Variants in SPATA9 observed in about 807,000 individuals in gnomAD.
SPATA9 encodes the protein spermatogenesis associated 9.
In SPATA9, 27 loss-of-function variants were observed where a neutral mutation model predicts 25.5. The observed-to-expected ratio is 1.06, with a 90% CI of 0.78 to 1.46. The LOEUF (loss-of-function observed/expected upper bound fraction) is 1.46. Ranked by LOEUF, SPATA9 falls within the 40% of genes most tolerant of loss-of-function variation. The probability of loss-of-function intolerance (pLI) is 0.00; values close to 1 mark genes in which losing one functional copy is unlikely to be tolerated. For missense variants in SPATA9, 282 were observed against 297.5 expected, an observed-to-expected ratio of 0.95 and a Z score of 0.38; for synonymous variants, 102 against 105.7, an observed-to-expected ratio of 0.97 and a Z score of 0.21.
rs751174816 is a variant in SPATA9, at chr5:95,658,462, A to G, written c.*161T>C. The G allele has an allele frequency of 9.8e-5, 58 of 590,586 alleles. 6 individuals are homozygous for G. The highest frequency in any genetic ancestry group is 1.4e-4 in the Non-Finnish European group (57 of 412,800). 36.6% of individuals were successfully genotyped at this position (590,586 alleles called of 1,614,324 possible). ...CATCAATATTCATTTTATTTACTCT[A>G]TCATGTAAATACTAGAAAATGACAT... is the stretch of plus-strand genomic sequence containing the variant. On this transcript the variant is annotated 3_prime_UTR_variant, in exon 5 of 5. Transcript: ENST00000274432.
the SPATA9 span, chr5:95,717,556 G>A: frequency 2.6e-5 from 4 of 152,340 alleles, no homozygotes; most frequent in African/African-American, 7.2e-5. Flanking sequence ...AATACAGTTG[G>A]TGACAAAGGA....
At chr5:95,731,796 C>A in the SPATA9 span, 3 of 1,602,214 alleles carry the variant, frequency 1.9e-6, no homozygotes, top group Middle Eastern at 3.3e-4. Context: ...ACTTCCTGTT[C>A]CGAGGAGAGA....
At chr5:95,713,759 T>A in the SPATA9 span, 1 of 152,098 alleles carries the variant, frequency 6.6e-6, no homozygotes, top group East Asian at 1.9e-4. Flanking sequence ...ATCATTTAAG[T>A]AAATTCTTAA....
exon 9 of SPATA9, chr5:95,653,198 A>G: frequency 6.4e-7 from 1 of 1,551,678 alleles, no homozygotes. Context: ...CATCTCAGTG[A>G]CCAGTTTTTA....
At chr5:95,719,617 A>G in the SPATA9 span, 1 of 152,218 alleles carries the variant, frequency 6.6e-6, no homozygotes, top group Non-Finnish European at 1.5e-5. Context: ...AAAAACATAT[A>G]TACATTACAT....
chr5:95,689,759 C>A (rs997858110), intron 1 of SPATA9, among the ~76,000 whole-genome samples: 18 of 152,078 alleles, frequency 1.2e-4, no homozygotes, highest in African/African-American at 4.1e-4. Context: ...GTATGTTCAA[C>A]ATCACTAATA....
At chr5:95,721,513 C>A in the SPATA9 span, among the ~76,000 whole-genome samples, 50 of 151,538 alleles carry the variant, frequency 3.3e-4, no homozygotes, top group Non-Finnish European at 7.1e-4. Context: ...CTAAATATAG[C>A]CAGGGGAAAG....
At chr5:95,672,140 A>AGATGTGAG (rs1752447028) in intron 3 of SPATA9, among the ~76,000 whole-genome samples, 1 of 152,108 alleles carries the variant, frequency 6.6e-6, no homozygotes, top group Non-Finnish European at 1.5e-5. Flanking sequence ...TAATACAGAG[A>AGATGTGAG]CTGGATATGA....
the SPATA9 span, among the ~76,000 whole-genome samples, chr5:95,721,197 T>A: frequency 3.9e-5 from 6 of 152,218 alleles, no homozygotes; most frequent in Non-Finnish European, 7.3e-5. Context: ...ATGGGAATAG[T>A]GGAGGCTTTT....
chr5:95,654,084 A>G (rs1433856799), downstream of SPATA9: 2 of 1,611,158 alleles, frequency 1.2e-6, no homozygotes, highest in African/African-American at 1.3e-5. Context: ...GGCTCTGCAC[A>G]AGATCCTGAA....
At chr5:95,712,001 A>G in the SPATA9 span, among the ~76,000 whole-genome samples, 1 of 152,198 alleles carries the variant, frequency 6.6e-6, no homozygotes, top group Admixed American at 6.5e-5. Context: ...GGCGGACTCC[A>G]TAATCCTCTG....
the SPATA9 span, among the ~76,000 whole-genome samples, chr5:95,725,326 A>C: frequency 6.6e-6 from 1 of 152,274 alleles, no homozygotes; most frequent in African/African-American, 2.4e-5. Context: ...CCACTTAGAA[A>C]GAGTTCAAAA....
intron 2 of SPATA9, among the ~76,000 whole-genome samples, chr5:95,681,087 C>G (rs1022480496): frequency 3.9e-5 from 6 of 152,194 alleles, no homozygotes; most frequent in African/African-American, 1.2e-4. Context: ...AGCTCTGCCT[C>G]CATTCGGATC....
At chr5:95,690,196 G>A (rs1050810010) in intron 1 of SPATA9, among the ~76,000 whole-genome samples, 1 of 152,046 alleles carries the variant, frequency 6.6e-6, no homozygotes, top group Non-Finnish European at 1.5e-5. Context: ...AAAAAAAGAA[G>A]ATCAAAGAAC....
the SPATA9 span, among the ~76,000 whole-genome samples, chr5:95,708,002 T>G: frequency 6.6e-6 from 1 of 152,168 alleles, no homozygotes; most frequent in Non-Finnish European, 1.5e-5. Flanking sequence ...TTTTACAAAA[T>G]TAAGAAACCA....
At position 95,682,727 on chromosome 5, in the gene SPATA9, A is replaced by C. The variant is rs185553748; in HGVS notation, c.61+67T>G. ...CCTAGATGACTCGGAAAGTAAAGGA[A>C]CTCTAGGGGATCTTATTCCCAATTG... On this transcript the variant is annotated intron_variant, in intron 1 of 4. Coordinates refer to ENST00000274432, the MANE Select transcript of SPATA9 (RefSeq NM_031952.4). 200 of 1,504,998 alleles carry C rather than the reference A, an allele frequency of 1.3e-4. 1 individual carries two copies. In the Middle Eastern group the frequency reaches 5.1e-3, roughly 38 times the overall value. The allele number at this position is 1,504,998 out of a possible 1,614,324, so 93.2% of individuals were successfully genotyped here.
chr5:95,675,641 T>G lies in SPATA9; in HGVS notation c.151-2A>C. 6 of 1,613,252 alleles carry G rather than the reference T, an allele frequency of 3.7e-6. No homozygotes were observed. The highest frequency in any genetic ancestry group is 5.1e-6 in the Non-Finnish European group (6 of 1,179,624). ...TGTTTTCTGCGCAGGTTCTCTTTTC[T>G]GAAAAATAGGCCTTTGAAAAGTAAC... On this transcript the variant is annotated splice_acceptor_variant, in intron 2 of 4. Transcript: ENST00000274432. LOFTEE classifies it high-confidence loss of function.
At chr5:95,692,397 T>G (rs79453196) in intron 1 of SPATA9, among the ~76,000 whole-genome samples, 3 of 152,086 alleles carry the variant, frequency 2.0e-5, no homozygotes, top group Admixed American at 6.5e-5. Context: ...TTTTCTTATT[T>G]GGGGACCGGT....
chr5:95,654,440 G>T, downstream of SPATA9: 2 of 1,011,576 alleles, frequency 2.0e-6, no homozygotes, highest in South Asian at 3.0e-5. Flanking sequence ...TAATTGGTTT[G>T]AACTATATTT....
Sources: allele counts gnomAD v4.1 joint callset (sites outside exome capture counted in the v4.1 genomes callset), GRCh38; gene constraint gnomAD v4.1.1; transcripts MANE v1.5; gene names NCBI Gene and HGNC (gene_info 2026-07-23, HGNC 2026-07-21).